The following PCSK2 variants were observed in gnomAD, a reference collection of about 807,000 sequenced individuals.
PCSK2 encodes proprotein convertase subtilisin/kexin type 2, also known as neuroendocrine convertase 2.
Under a neutral mutation model 69.7 loss-of-function variants are expected in PCSK2, and 14 were observed. That is an observed-to-expected ratio of 0.20 (90% CI 0.13 to 0.31). PCSK2 has a LOEUF of 0.31. PCSK2 is among the 10% of genes least tolerant of loss of function. PCSK2 has a pLI of 1.00. For missense variants in PCSK2, 544 were observed against 842.5 expected (o/e 0.65, Z 4.39); for synonymous variants, 307 against 320.7 (o/e 0.96, Z 0.46).
At chr20:17,258,708 A>C (rs1987268894) in intron 1 of PCSK2, among the ~76,000 whole-genome samples, 1 of 151,666 alleles carries the variant, frequency 6.6e-6, no homozygotes, top group Admixed American at 6.6e-5. Context: ...TAGTAAGTGA[A>C]AGTCTGTGAT....
At chr20:17,274,310 G>C (rs747920156) in intron 2 of PCSK2, among the ~76,000 whole-genome samples, 11 of 152,124 alleles carry the variant, frequency 7.2e-5, no homozygotes, top group Non-Finnish European at 1.5e-4. Flanking sequence ...GTCCTAAAAT[G>C]ATTGGAACAT....
chr20:17,468,665 G>T (rs1344761817), intron 11 of PCSK2, among the ~76,000 whole-genome samples: 1 of 151,040 alleles, frequency 6.6e-6, no homozygotes, highest in Admixed American at 6.6e-5. Context: ...TCCTCCCATG[G>T]GCCAGTGTCC....
chr20:17,398,523 C>CAAAA lies in PCSK2; in HGVS notation c.544-10720_544-10717dup, dbSNP rs36062712. 2.8e-3 allele frequency among the ~76,000 whole-genome samples: 241 copies of CAAAA among 85,176 alleles called. 4 individuals are homozygous for CAAAA. The highest frequency in any genetic ancestry group is 0.019 in the Admixed American group (123 of 6,642). 55.9% of individuals were successfully genotyped at this position (85,176 alleles called of 152,430 possible). A position where few individuals can be genotyped will look rare whatever the true frequency, so the allele number is the denominator to read the frequency against. On this transcript the variant is annotated intron_variant, in intron 5 of 11. Coordinates refer to ENST00000262545, the MANE Select transcript of PCSK2 (RefSeq NM_002594.5). ...TGGGTTACAGAGTGAGATCCTGTCTCAAAAAAAAAAAAAAAAAAAAAAATG... is the reference window on the plus strand; with the variant it reads ...TGGGTTACAGAGTGAGATCCTGTCTCAAAAAAAAAAAAAAAAAAAAAAAAAAATG...
At chr20:17,420,512 G>C (rs1220635980) in intron 6 of PCSK2, among the ~76,000 whole-genome samples, 1 of 152,032 alleles carries the variant, frequency 6.6e-6, no homozygotes, top group Non-Finnish European at 1.5e-5. Context: ...TCCCCTACCT[G>C]GATTAGAAAA....
chr20:17,403,358 G>A (rs148116833), intron 5 of PCSK2, among the ~76,000 whole-genome samples: 1,617 of 152,290 alleles, frequency 0.011, 35 homozygotes, highest in African/African-American at 0.037. Context: ...GAACATTATC[G>A]TTAAACCAGT....
chr20:17,320,006 A>T (rs143115856), intron 2 of PCSK2, among the ~76,000 whole-genome samples: 20 of 152,330 alleles, frequency 1.3e-4, no homozygotes, highest in African/African-American at 4.3e-4. Context: ...ATCTATCAGG[A>T]CTAAAGAGTC....
At chr20:17,233,507 G>T (rs1986221188) in intron 1 of PCSK2, among the ~76,000 whole-genome samples, 1 of 152,052 alleles carries the variant, frequency 6.6e-6, no homozygotes. Flanking sequence ...AGATGACCTG[G>T]CCCAAATTCA....
chr20:17,394,607 G>A (rs2031467595), intron 5 of PCSK2, among the ~76,000 whole-genome samples: 1 of 152,156 alleles, frequency 6.6e-6, no homozygotes, highest in African/African-American at 2.4e-5. Context: ...TAGCAGGAAT[G>A]GCAAAGAGCA....
intron 2 of PCSK2, among the ~76,000 whole-genome samples, chr20:17,296,020 A>G (rs901989121): frequency 2.6e-5 from 4 of 152,210 alleles, no homozygotes; most frequent in Non-Finnish European, 5.9e-5. Context: ...GGGTACACAA[A>G]GTTATAGTTC....
intron 1 of PCSK2, among the ~76,000 whole-genome samples, chr20:17,256,869 G>C (rs1003556598): frequency 1.3e-5 from 2 of 152,046 alleles, no homozygotes; most frequent in Non-Finnish European, 2.9e-5. Context: ...AAAACATGCA[G>C]TGCTTGGCTT....
chr20:17,460,078 T>A (rs2032987832), intron 10 of PCSK2, among the ~76,000 whole-genome samples: 1 of 152,176 alleles, frequency 6.6e-6, no homozygotes, highest in South Asian at 2.1e-4. Context: ...CCATTGTGAA[T>A]CAGGGAATCC....
At chr20:17,259,538 C>T (rs1035456672) in intron 1 of PCSK2, among the ~76,000 whole-genome samples, 1 of 152,192 alleles carries the variant, frequency 6.6e-6, no homozygotes, top group African/African-American at 2.4e-5. Flanking sequence ...ACCAAGTTAC[C>T]TTGAATCATA....
At chr20:17,470,511 T>C (rs1208141316) in intron 11 of PCSK2, among the ~76,000 whole-genome samples, 3 of 152,150 alleles carry the variant, frequency 2.0e-5, no homozygotes, top group Non-Finnish European at 4.4e-5. Flanking sequence ...TGCTGGTCCA[T>C]TTTATAGCCT....
At chr20:17,365,972 C>T (rs1401372937) in intron 4 of PCSK2, among the ~76,000 whole-genome samples, 2 of 152,190 alleles carry the variant, frequency 1.3e-5, no homozygotes, top group African/African-American at 4.8e-5. Context: ...ACTGGAATCA[C>T]ATGTTAGTGG....
At chr20:17,411,365 C>T (rs1377918827) in intron 6 of PCSK2, among the ~76,000 whole-genome samples, 1 of 152,250 alleles carries the variant, frequency 6.6e-6, no homozygotes, top group Non-Finnish European at 1.5e-5. Flanking sequence ...AAACAGCAGA[C>T]CAGGAGATTC....
chr20:17,376,663 T>C (rs2030937315), intron 5 of PCSK2, among the ~76,000 whole-genome samples: 1 of 152,206 alleles, frequency 6.6e-6, no homozygotes, highest in African/African-American at 2.4e-5. Context: ...AACCTACTCA[T>C]TCATTTTGGC....
chr20:17,391,390 TA>T (rs978166317), intron 5 of PCSK2, among the ~76,000 whole-genome samples: 2 of 151,870 alleles, frequency 1.3e-5, no homozygotes, highest in East Asian at 1.9e-4. Context: ...ACACATGATT[TA>T]AAAAAAATAA....
intron 6 of PCSK2, among the ~76,000 whole-genome samples, chr20:17,420,192 A>T (rs1476547359): frequency 6.6e-6 from 1 of 152,216 alleles, no homozygotes; most frequent in East Asian, 1.9e-4. Flanking sequence ...GCCACAAAAA[A>T]GTGTGAGAAA....
In PCSK2 at chr20:17,482,081, C is replaced by G. The variant is rs759212601; in HGVS notation, c.*11C>G. On this transcript the variant is annotated 3_prime_UTR_variant, in exon 12 of 12. Transcript: ENST00000262545. ...CTTAACAAGAACTAGCGCTGCACATCCGCCTTTCCCACCGCCCTCCCTCCC... is the reference window on the plus strand; with the variant it reads ...CTTAACAAGAACTAGCGCTGCACATGCGCCTTTCCCACCGCCCTCCCTCCC... 4 of 1,541,628 alleles carry G rather than the reference C, an allele frequency of 2.6e-6. No homozygotes were observed. The highest frequency in any genetic ancestry group is 1.9e-5 in the Admixed American group (1 of 51,568).
Sources: gnomAD v4.1 joint callset for allele counts (sites outside exome capture counted in the v4.1 genomes callset) on GRCh38, gnomAD v4.1.1 for gene constraint, MANE v1.5 for transcripts, NCBI Gene and HGNC (gene_info 2026-07-23, HGNC 2026-07-21) for gene names.